The following PPP2R3A variants were observed in gnomAD, a reference collection of about 807,000 sequenced individuals.
PPP2R3A encodes protein phosphatase 2 regulatory subunit B''alpha.
In PPP2R3A, 80 loss-of-function variants were observed where a neutral mutation model predicts 106.9. The ratio of observed to expected loss-of-function variants is 0.75; its 90% CI spans 0.62 to 0.90. The LOEUF (loss-of-function observed/expected upper bound fraction) is 0.90, where lower values mean the gene tolerates loss of function less well. Among genes scored for constraint, PPP2R3A ranks in the 40% least tolerant of loss-of-function variants. The pLI is 0.00. For missense variants in PPP2R3A, 1,386 were observed against 1,350.4 expected, an observed-to-expected ratio of 1.03 and a Z score of -0.41; for synonymous variants, 483 against 468.3, an observed-to-expected ratio of 1.03 and a Z score of -0.41.
At chr3:136,063,086 G>A (rs1936136264) in intron 5 of PPP2R3A, among the ~76,000 whole-genome samples, 1 of 152,128 alleles carries the variant, frequency 6.6e-6, no homozygotes, top group Admixed American at 6.5e-5. Context: ...TAGACCAATG[G>A]AATAGAACAG....
rs141967151 is a variant in PPP2R3A, at chr3:135,970,747, T to G, written c.-441+4898T>G. On this transcript the variant is annotated intron_variant, in intron 1 of 13. Coordinates refer to ENST00000264977, the MANE Select transcript of PPP2R3A (RefSeq NM_002718.5). The stretch of plus-strand genomic sequence containing the variant: ...GATGAGGTGTCTTACATGCCTACAA[T>G]GTAGGTGTTAGTCTGTTGGTTACTC... Among the ~76,000 whole-genome samples, 61 of 152,286 alleles carry G rather than the reference T, an allele frequency of 4.0e-4. No homozygotes were observed. The East Asian group carries it at 0.012, about 29-fold the overall frequency.
At chr3:136,114,183 A>C (rs1317738888) in intron 13 of PPP2R3A, among the ~76,000 whole-genome samples, 1 of 152,050 alleles carries the variant, frequency 6.6e-6, no homozygotes, top group Non-Finnish European at 1.5e-5. Context: ...TCTCTCCCCT[A>C]CCCAAGGGAA....
Position 136,145,340 on chromosome 3 carries a change from G to A in PPP2R3A, c.*174G>A. On this transcript the variant is annotated 3_prime_UTR_variant, in exon 14 of 14. Coordinates refer to ENST00000264977, the MANE Select transcript of PPP2R3A (RefSeq NM_002718.5). ...GTCTGGATACACATTTAACTTAGGA[G>A]GCTCCTCCAATTTGCCTCAAACCTC... 1.3e-6 allele frequency: 1 copy of A among 788,022 alleles called. No homozygotes were observed. The highest frequency in any genetic ancestry group is 1.8e-6 in the Non-Finnish European group (1 of 556,152). The allele number at this position is 788,022 out of a possible 1,614,324, so 48.8% of individuals were successfully genotyped here.
intron 2 of PPP2R3A, among the ~76,000 whole-genome samples, chr3:136,008,329 T>G (rs1449765569): frequency 6.6e-6 from 1 of 152,076 alleles, no homozygotes; most frequent in Non-Finnish European, 1.5e-5. Flanking sequence ...ATCAAGACAC[T>G]TAGCAATACA....
chr3:136,087,264 T>C (rs938363058), intron 8 of PPP2R3A, among the ~76,000 whole-genome samples: 3 of 144,980 alleles, frequency 2.1e-5, no homozygotes, highest in South Asian at 2.3e-4. Flanking sequence ...TCTCTCTCTC[T>C]CTCTCTCTCT....
intron 13 of PPP2R3A, among the ~76,000 whole-genome samples, chr3:136,110,965 C>CA (rs1395384581): frequency 2.6e-5 from 4 of 151,456 alleles, no homozygotes; most frequent in Admixed American, 6.6e-5. Context: ...TCAAGTACTG[C>CA]AAAAAAAATA....
intron 13 of PPP2R3A, among the ~76,000 whole-genome samples, chr3:136,138,755 A>G (rs1315507611): frequency 9.6e-6 from 1 of 103,972 alleles, no homozygotes; most frequent in East Asian, 3.2e-4. Flanking sequence ...CTTGTCATCC[A>G]GGCTGGAGTG....
chr3:136,089,267 A>C (rs1937033596), intron 9 of PPP2R3A, among the ~76,000 whole-genome samples: 2 of 152,268 alleles, frequency 1.3e-5, no homozygotes, highest in Admixed American at 6.5e-5. Flanking sequence ...TATATGGTAA[A>C]AAGTAAGGGT....
chr3:135,974,279 T>C (rs180795956), intron 1 of PPP2R3A, among the ~76,000 whole-genome samples: 86 of 152,204 alleles, frequency 5.7e-4, no homozygotes, highest in Non-Finnish European at 4.9e-4. Context: ...TTTCAGTCAG[T>C]CTCATGACTT....
intron 12 of PPP2R3A, 110 bp downstream of exon 12, chr3:136,103,486 T>G (rs531160946): frequency 1.3e-6 from 1 of 745,916 alleles, no homozygotes; most frequent in East Asian, 2.7e-5. Context: ...AGGTAACATT[T>G]GTAACATTTC....
chr3:135,990,684 TCA>T (rs1012895116), intron 1 of PPP2R3A, among the ~76,000 whole-genome samples: 1 of 152,140 alleles, frequency 6.6e-6, no homozygotes, highest in Non-Finnish European at 1.5e-5. Flanking sequence ...TAGATCCCGC[TCA>T]CAGTTTTGTG....
At chr3:136,057,918 A>G (rs1935930443) in intron 5 of PPP2R3A, among the ~76,000 whole-genome samples, 2 of 152,164 alleles carry the variant, frequency 1.3e-5, no homozygotes, top group South Asian at 4.1e-4. Flanking sequence ...AAAGAGAACT[A>G]CCATATGATC....
In PPP2R3A at chr3:136,001,672, C is replaced by T. The variant is rs770335891; in HGVS notation, c.174C>T (p.Ile58=). 4 of 1,614,120 alleles carry T rather than the reference C, an allele frequency of 2.5e-6. No individual in the cohort carries two copies. Among genetic ancestry groups the T allele is most frequent in the Admixed American group, 1.7e-5 (1 of 60,006 alleles). Residue 58 remains isoleucine (I), a synonymous_variant, in exon 2 of 14, where the codon ATC becomes ATT. Transcript: ENST00000264977. ...GTGTTTGTGCAGACCTCTTGCACATCCCTGTGTCTCAGTTCAAAGATGCAG... is the reference window on the plus strand; with the variant it reads ...GTGTTTGTGCAGACCTCTTGCACATTCCTGTGTCTCAGTTCAAAGATGCAG... ...HHSVCADLLH[I]PVSQFKDADL...
At chr3:136,130,851 C>A (rs1265055647) in intron 13 of PPP2R3A, among the ~76,000 whole-genome samples, 1 of 152,154 alleles carries the variant, frequency 6.6e-6, no homozygotes, top group Non-Finnish European at 1.5e-5. Context: ...AGAAATAACA[C>A]CACACATCTA....
intron 2 of PPP2R3A, among the ~76,000 whole-genome samples, chr3:136,014,391 T>C (rs749820802): frequency 6.6e-6 from 1 of 152,178 alleles, no homozygotes; most frequent in African/African-American, 2.4e-5. Context: ...GCATTGAATA[T>C]GTAGATTGCT....
At chr3:136,076,160 T>TTA (rs1936586602) in intron 6 of PPP2R3A, among the ~76,000 whole-genome samples, 2 of 152,224 alleles carry the variant, frequency 1.3e-5, no homozygotes, top group South Asian at 4.1e-4. Flanking sequence ...ACTCATTGCT[T>TTA]TATAGGGCTA....
chr3:135,985,180 C>T (rs915184340), intron 1 of PPP2R3A, among the ~76,000 whole-genome samples: 3 of 152,082 alleles, frequency 2.0e-5, no homozygotes, highest in Admixed American at 1.3e-4. Flanking sequence ...GACTAATACA[C>T]CTAGCATGTA....
At chr3:136,103,714 G>C (rs745693197) in intron 12 of PPP2R3A, among the ~76,000 whole-genome samples, 1 of 152,122 alleles carries the variant, frequency 6.6e-6, no homozygotes, top group Non-Finnish European at 1.5e-5. Context: ...ATCTGTATTA[G>C]AAACTATATT....
chr3:136,031,387 G>A (rs1934885403), intron 3 of PPP2R3A, among the ~76,000 whole-genome samples: 1 of 152,130 alleles, frequency 6.6e-6, no homozygotes, highest in Admixed American at 6.5e-5. Flanking sequence ...TGAGTTCATT[G>A]TAGATTCTGG....
Sources: allele counts gnomAD v4.1 joint callset (sites outside exome capture counted in the v4.1 genomes callset), GRCh38; gene constraint gnomAD v4.1.1; transcripts MANE v1.5; gene names NCBI Gene and HGNC (gene_info 2026-07-23, HGNC 2026-07-21).